Variants in TMEM108 observed in about 807,000 individuals in gnomAD.
TMEM108 encodes the protein cancer/testis antigen 124.
Under a neutral mutation model 35.1 loss-of-function variants are expected in TMEM108, and 12 were observed. The observed-to-expected ratio is 0.34, with a 90% CI of 0.22 to 0.55. The LOEUF (loss-of-function observed/expected upper bound fraction) is 0.55, where lower values mean the gene tolerates loss of function less well. Ranked by LOEUF, TMEM108 falls within the 20% of genes least tolerant of loss-of-function variation. The probability of loss-of-function intolerance (pLI) is 0.89; values close to 1 mark genes in which losing one functional copy is unlikely to be tolerated. For synonymous variants in TMEM108, 287 were observed against 308.6 expected, an observed-to-expected ratio of 0.93 and a Z score of 0.73; for missense variants, 680 against 753.3, an observed-to-expected ratio of 0.90 and a Z score of 1.14.
chr3:133,094,344 A>G (rs1943986695), intron 2 of TMEM108, among the ~76,000 whole-genome samples: 1 of 151,430 alleles, frequency 6.6e-6, no homozygotes, highest in Admixed American at 6.6e-5. Flanking sequence ...TTTCAGATCA[A>G]CCCCTTACCA....
chr3:133,255,941 A>G (rs1348143931), intron 3 of TMEM108, among the ~76,000 whole-genome samples: 3 of 152,190 alleles, frequency 2.0e-5, no homozygotes, highest in Non-Finnish European at 2.9e-5. Context: ...GTGAGCCGAG[A>G]TCATGCCACT....
At chr3:133,224,850 A>AACATTCATG (rs60990155) in intron 2 of TMEM108, among the ~76,000 whole-genome samples, 48,005 of 151,724 alleles carry the variant, frequency 0.32, 8,429 homozygotes, top group East Asian at 0.47. Flanking sequence ...TAGACATCTT[A>AACATTCATG]ACATTCATGG....
chr3:133,301,149 C>G (rs933870380), intron 3 of TMEM108, among the ~76,000 whole-genome samples: 1 of 152,100 alleles, frequency 6.6e-6, no homozygotes, highest in Non-Finnish European at 1.5e-5. Context: ...TTCCCTGTCC[C>G]TTTGATGCCA....
At chr3:133,331,675 G>C (rs141538483) in intron 3 of TMEM108, among the ~76,000 whole-genome samples, 1 of 152,150 alleles carries the variant, frequency 6.6e-6, no homozygotes, top group African/African-American at 2.4e-5. Context: ...CCAAGGACCC[G>C]TACTGATTAT....
chr3:133,338,169 C>T (rs1318258535), intron 3 of TMEM108, among the ~76,000 whole-genome samples: 1 of 151,996 alleles, frequency 6.6e-6, no homozygotes. Context: ...GAGAACTTCC[C>T]AAACCTAGAG....
chr3:133,095,391 AACTGGTTT>A (rs1282918616), intron 2 of TMEM108, among the ~76,000 whole-genome samples: 1 of 152,186 alleles, frequency 6.6e-6, no homozygotes, highest in Admixed American at 6.5e-5. Context: ...TGGCACCAGG[AACTGGTTT>A]CATGGAAGAC....
intron 3 of TMEM108, among the ~76,000 whole-genome samples, chr3:133,301,937 C>T (rs1183345091): frequency 6.6e-6 from 1 of 152,140 alleles, no homozygotes; most frequent in Non-Finnish European, 1.5e-5. Context: ...CCCATGGAGA[C>T]AGGAAACTCA....
intron 2 of TMEM108, among the ~76,000 whole-genome samples, chr3:133,066,103 C>A (rs958291096): frequency 6.6e-6 from 1 of 152,074 alleles, no homozygotes; most frequent in Non-Finnish European, 1.5e-5. Flanking sequence ...CGTGACATTC[C>A]TTATTAGATT....
At chr3:133,047,998 A>G (rs1319815437) in intron 2 of TMEM108, among the ~76,000 whole-genome samples, 1 of 152,190 alleles carries the variant, frequency 6.6e-6, no homozygotes, top group Non-Finnish European at 1.5e-5. Flanking sequence ...TGGTATGGGA[A>G]ATAATGAAGA....
intron 3 of TMEM108, among the ~76,000 whole-genome samples, chr3:133,332,977 C>G (rs1025587027): frequency 6.6e-6 from 1 of 152,196 alleles, no homozygotes; most frequent in Admixed American, 6.5e-5. Flanking sequence ...ATGACCCCAT[C>G]TGCGGCCAGA....
rs369887303 is a variant in TMEM108, at chr3:133,380,229, G to A, written c.518G>A (p.Arg173Gln). Residue 173 changes from arginine (R) to glutamine (Q), a missense_variant, in exon 4 of 6, where the codon CGA becomes CAA. Transcript: ENST00000321871. This position sits in a 1 kb window ranked among gnomAD's most constrained non-coding sequence, Gnocchi z 5.3. ...RRPPRPPGSS[R>Q]KGAGNSSRPV... ...CCCCCCAGGCCCCCAGGCTCTTCCCGAAAAGGGGCTGGTAATTCATCACGC... is the reference window on the plus strand; with the variant it reads ...CCCCCCAGGCCCCCAGGCTCTTCCCAAAAAGGGGCTGGTAATTCATCACGC... The A allele has an allele frequency of 3.2e-4, 515 of 1,613,010 alleles. 1 individual carries two copies. Among genetic ancestry groups the A allele is most frequent in the Non-Finnish European group, 4.0e-4 (477 of 1,179,536 alleles).
Position 133,264,259 on chromosome 3 carries a change from T to C in TMEM108, c.40+34908T>C, listed in dbSNP as rs111764584. Among the ~76,000 whole-genome samples, 391 of 152,226 alleles carry C rather than the reference T, an allele frequency of 2.6e-3. 2 individuals carry two copies. The highest frequency in any genetic ancestry group is 8.6e-3 in the African/African-American group (359 of 41,538). ...GTTTGAGGCTGCAGTGAACTATAAT[T>C]GTGCCACTGTATTTCGGCCTAGGCA... On this transcript the variant is annotated intron_variant, in intron 3 of 5. Coordinates refer to ENST00000321871, the MANE Select transcript of TMEM108 (RefSeq NM_023943.4).
intron 2 of TMEM108, among the ~76,000 whole-genome samples, chr3:133,087,914 C>T (rs1338099808): frequency 6.6e-6 from 1 of 152,064 alleles, no homozygotes; most frequent in South Asian, 2.1e-4. Context: ...CTACGTGGTG[C>T]CTTTGAGAGA....
At chr3:133,369,725 G>A (rs922269649) in intron 3 of TMEM108, among the ~76,000 whole-genome samples, 4 of 152,164 alleles carry the variant, frequency 2.6e-5, no homozygotes, top group African/African-American at 9.7e-5. Context: ...TATCAACTAG[G>A]CTAAAAGAGA....
At chr3:133,372,873 A>G (rs1309697200) in intron 3 of TMEM108, among the ~76,000 whole-genome samples, 1 of 152,254 alleles carries the variant, frequency 6.6e-6, no homozygotes, top group Non-Finnish European at 1.5e-5. Flanking sequence ...CCTTGGTTTC[A>G]TAAAGAAGTG....
At chr3:133,092,612 A>G (rs1020263861) in intron 2 of TMEM108, among the ~76,000 whole-genome samples, 4 of 152,086 alleles carry the variant, frequency 2.6e-5, no homozygotes, top group African/African-American at 9.7e-5. Context: ...CTGTATTGTA[A>G]CTCAGATTTT....
At chr3:133,228,183 T>G (rs1287625120) in intron 2 of TMEM108, among the ~76,000 whole-genome samples, 4 of 117,026 alleles carry the variant, frequency 3.4e-5, no homozygotes, top group East Asian at 2.5e-4. Flanking sequence ...ATGAGTTATA[T>G]CTCAGTAAAA....
At chr3:133,181,025 A>C (rs1249962643) in intron 2 of TMEM108, among the ~76,000 whole-genome samples, 7 of 145,204 alleles carry the variant, frequency 4.8e-5, no homozygotes, top group Admixed American at 2.0e-4. Context: ...AAAAAAAAAA[A>C]AAAAAAAAAA....
intron 2 of TMEM108, among the ~76,000 whole-genome samples, chr3:133,169,300 A>C (rs1010495170): frequency 1.3e-5 from 2 of 151,990 alleles, no homozygotes; most frequent in South Asian, 4.1e-4. Flanking sequence ...TTGATGATAT[A>C]GTTGTGTACT....
Sources: allele counts gnomAD v4.1 joint callset (sites outside exome capture counted in the v4.1 genomes callset), GRCh38; gene constraint gnomAD v4.1.1; non-coding constraint Gnocchi (gnomAD v3.1); transcripts MANE v1.5; gene names NCBI Gene and HGNC (gene_info 2026-07-23, HGNC 2026-07-21).